SCAP: variants seen among roughly 807,000 people sequenced by gnomAD.
The protein encoded by SCAP is SREBF chaperone, also known as sterol regulatory element-binding protein cleavage-activating protein.
A neutral mutation model predicts 123.6 loss-of-function variants in SCAP; 65 were observed. The ratio of observed to expected loss-of-function variants is 0.53; its 90% confidence interval spans 0.43 to 0.65. SCAP has a LOEUF of 0.65. Among genes scored for constraint, SCAP ranks in the 30% least tolerant of loss-of-function variants. The pLI, the probability that SCAP is intolerant of heterozygous loss-of-function variation, is 0.00. For synonymous variants in SCAP, 740 were observed against 726.3 expected (o/e 1.02, Z -0.30); for missense variants, 1,398 against 1,712.5 (o/e 0.82, Z 3.24).
intron 6 of SCAP, 90 bp downstream of exon 6, chr3:47,427,067 A>C: frequency 1.1e-6 from 1 of 898,134 alleles, no homozygotes; most frequent in Non-Finnish European, 1.8e-6. Context: ...TCCAGGGGGC[A>C]TTCAGAACAC....
intron 2 of SCAP, among the ~76,000 whole-genome samples, chr3:47,436,162 C>G (rs959199270): frequency 6.6e-6 from 1 of 152,054 alleles, no homozygotes; most frequent in Non-Finnish European, 1.5e-5. Flanking sequence ...GTGGGGGTAC[C>G]TTTAAAAATC....
chr3:47,455,931 A>C (rs1707407965), intron 1 of SCAP, among the ~76,000 whole-genome samples: 1 of 152,232 alleles, frequency 6.6e-6, no homozygotes. Flanking sequence ...ACATAAATAC[A>C]CAGATTAATG....
intron 1 of SCAP, among the ~76,000 whole-genome samples, chr3:47,447,561 G>A (rs1707089736): frequency 6.6e-6 from 1 of 152,122 alleles, no homozygotes; most frequent in Non-Finnish European, 1.5e-5. Flanking sequence ...GGTGGCGAGT[G>A]CCTGTAATAC....
Position 47,417,696 on chromosome 3 carries a change from C to A in SCAP, c.2578G>T (p.Gly860Cys). Residue 860 changes from glycine to cysteine, a missense_variant, in exon 17 of 23, where the codon GGC becomes TGC. By Grantham distance (159) the Gly-to-Cys change is radical. Coordinates refer to ENST00000265565, the MANE Select transcript of SCAP (RefSeq NM_012235.4). The stretch of plus-strand genomic sequence containing the variant: ...CCGAAGAGGGAAGGCGGCGGAGGGC[C>A]CCGGGGGCGGTGTCTCAGGGGAGGG... ...DSPPLRHRPR[G>C]PPPPSLFGDQ... 1 of 1,608,214 alleles carries A rather than the reference C, an allele frequency of 6.2e-7. No homozygotes were observed. The highest frequency in any genetic ancestry group is 8.5e-7 in the Non-Finnish European group (1 of 1,178,574).
intron 1 of SCAP, among the ~76,000 whole-genome samples, chr3:47,448,745 CCTTA>C (rs1553647961): frequency 6.6e-6 from 1 of 152,010 alleles, no homozygotes. Flanking sequence ...GAGCATTCAC[CCTTA>C]CTTGTTATAG....
chr3:47,458,413 G>A (rs1195839682), intron 1 of SCAP, among the ~76,000 whole-genome samples: 1 of 152,052 alleles, frequency 6.6e-6, no homozygotes, highest in Non-Finnish European at 1.5e-5. Context: ...TGGGCAACAG[G>A]GGCAAAACTC....
At chr3:47,432,554 G>A (rs1002926086) in intron 3 of SCAP, among the ~76,000 whole-genome samples, 5 of 152,152 alleles carry the variant, frequency 3.3e-5, no homozygotes, top group Non-Finnish European at 5.9e-5. Flanking sequence ...TGCAATAAAC[G>A]AGTGCTGAAC....
At chr3:47,473,249 G>A (rs954537900) in intron 1 of SCAP, among the ~76,000 whole-genome samples, 1 of 151,928 alleles carries the variant, frequency 6.6e-6, no homozygotes, top group Non-Finnish European at 1.5e-5. Context: ...CGTAAAGGGG[G>A]TGATAACAGT....
chr3:47,448,363 G>A (rs1707130766), intron 1 of SCAP, among the ~76,000 whole-genome samples: 1 of 152,126 alleles, frequency 6.6e-6, no homozygotes, highest in Admixed American at 6.6e-5. Context: ...GCATGTGTGT[G>A]TGTGTGTGGA....
chr3:47,417,478 G>A lies in SCAP; in HGVS notation c.2796C>T (p.Ala932=). The A allele has an allele frequency of 6.4e-7, 1 of 1,550,986 alleles. No individual in the cohort carries two copies. Among genetic ancestry groups the A allele is most frequent in the Non-Finnish European group, 8.7e-7 (1 of 1,147,858 alleles). The change falls in exon 17 of 23, where the codon GCC becomes GCT. Residue 932 remains alanine (A), a synonymous_variant. Coordinates refer to ENST00000265565, the MANE Select transcript of SCAP (RefSeq NM_012235.4). ...EEGLAAVCTP[A]LRPPSPGPVL... Reference sequence around the variant, plus strand: ...CCGGCCCAGGCGAGGGTGGGCGCAGGGCTGGTGTGCAGACGGCCGCCAGCC... The same window carrying A: ...CCGGCCCAGGCGAGGGTGGGCGCAGAGCTGGTGTGCAGACGGCCGCCAGCC...
intron 1 of SCAP, among the ~76,000 whole-genome samples, chr3:47,460,731 T>C (rs964281255): frequency 6.6e-6 from 1 of 152,086 alleles, no homozygotes; most frequent in South Asian, 2.1e-4. Context: ...CTAATTTTCT[T>C]ATTTTTAGTA....
chr3:47,442,939 C>A lies in SCAP; in HGVS notation c.55G>T (p.Gly19Trp), dbSNP rs1484366573. 1.2e-6 allele frequency: 2 copies of A among 1,614,112 alleles called. No individual in the cohort carries two copies. Among genetic ancestry groups the A allele is most frequent in the South Asian group, 1.1e-5 (1 of 91,078 alleles). Residue 19 changes from glycine (G) to tryptophan (W), a missense_variant, in exon 2 of 23, where the codon GGG becomes TGG. Transcript: ENST00000265565. Reference sequence around the variant, plus strand: ...ATGGGATAGGATGCACAGAGGAGCCCATGGTTGTAGAAGGCCCGAGATATC... The same window carrying A: ...ATGGGATAGGATGCACAGAGGAGCCAATGGTTGTAGAAGGCCCGAGATATC... ...EKISRAFYNH[G>W]LLCASYPIPI...
chr3:47,421,214 C>T, intron 10 of SCAP, 185 bp from the exon 11 acceptor site: 2 of 626,098 alleles, frequency 3.2e-6, no homozygotes, highest in Non-Finnish European at 5.8e-6. Context: ...CCGTCTCCAC[C>T]AGGGGGCAGA....
intron 1 of SCAP, among the ~76,000 whole-genome samples, chr3:47,458,760 C>T (rs1328733794): frequency 1.3e-5 from 2 of 152,224 alleles, no homozygotes; most frequent in Non-Finnish European, 2.9e-5. Flanking sequence ...TCAGGAATGA[C>T]TAACAAAGGG....
In SCAP at chr3:47,450,143, G is replaced by A. The variant is rs183456922; in HGVS notation, c.-98-7052C>T. Among the ~76,000 whole-genome samples, 973 of 124,222 alleles carry A rather than the reference G, an allele frequency of 7.8e-3. 199 individuals are homozygous for A. The highest frequency in any genetic ancestry group is 0.025 in the African/African-American group (920 of 36,306). The allele number at this position is 124,222 out of a possible 152,430, so 81.5% of individuals were successfully genotyped here. ...CTCCCAAGTAGCTGGAGTTACAGGCGTGCGCCACCCCACCCAGCTAATTTT... is the reference window on the plus strand; with the variant it reads ...CTCCCAAGTAGCTGGAGTTACAGGCATGCGCCACCCCACCCAGCTAATTTT... On this transcript the variant is annotated intron_variant, in intron 1 of 22. Coordinates refer to ENST00000265565, the MANE Select transcript of SCAP (RefSeq NM_012235.4).
chr3:47,415,833 TG>T (rs1341475431), intron 18 of SCAP, among the ~76,000 whole-genome samples: 2 of 152,188 alleles, frequency 1.3e-5, no homozygotes, highest in African/African-American at 4.8e-5. Context: ...GCACCAGAGC[TG>T]GGGAAGCCAG....
At chr3:47,424,713 T>C (rs1706048347) in intron 8 of SCAP, among the ~76,000 whole-genome samples, 1 of 152,116 alleles carries the variant, frequency 6.6e-6, no homozygotes, top group African/African-American at 2.4e-5. Flanking sequence ...TGTTTAACAG[T>C]GTCAAGCTCA....
At chr3:47,435,515 C>A (rs1352913032) in intron 2 of SCAP, among the ~76,000 whole-genome samples, 1 of 145,404 alleles carries the variant, frequency 6.9e-6, no homozygotes, top group Non-Finnish European at 1.5e-5. Flanking sequence ...CACACACACA[C>A]ACAGATAGAT....
chr3:47,447,388 G>C (rs371809207), intron 1 of SCAP, among the ~76,000 whole-genome samples: 2 of 151,452 alleles, frequency 1.3e-5, no homozygotes, highest in Non-Finnish European at 2.9e-5. Context: ...CTGTGACTCC[G>C]TCTCAAAAAA....
Sources: gnomAD v4.1 joint callset for allele counts (sites outside exome capture counted in the v4.1 genomes callset) on GRCh38, gnomAD v4.1.1 for gene constraint, MANE v1.5 for transcripts, NCBI Gene and HGNC (gene_info 2026-07-23, HGNC 2026-07-21) for gene names.